Variants in PIP5K1B observed in about 807,000 individuals in gnomAD.
The protein encoded by PIP5K1B is phosphatidylinositol 4-phosphate 5-kinase type-1 beta.
PIP5K1B carries 42 observed loss-of-function variants against 67.0 expected under a neutral mutation model. The observed-to-expected ratio is 0.63, with a 90% CI of 0.49 to 0.81. The LOEUF is 0.81. Ranked by LOEUF, PIP5K1B falls within the 30% of genes least tolerant of loss-of-function variation. The probability of loss-of-function intolerance (pLI) is 0.00; values close to 1 mark genes in which losing one functional copy is unlikely to be tolerated. For missense variants in PIP5K1B, 459 were observed against 646.3 expected (o/e 0.71, Z 3.14); for synonymous variants, 214 against 231.4 (o/e 0.92, Z 0.68).
chr9:68,948,098 ATG>A (rs1827889267), intron 14 of PIP5K1B, among the ~76,000 whole-genome samples: 1 of 152,234 alleles, frequency 6.6e-6, no homozygotes, highest in Non-Finnish European at 1.5e-5. Flanking sequence ...TGAGGGGAAA[ATG>A]TGGTCACATT....
At chr9:68,722,989 A>G (rs945131660) in intron 1 of PIP5K1B, among the ~76,000 whole-genome samples, 1 of 152,088 alleles carries the variant, frequency 6.6e-6, no homozygotes, top group East Asian at 1.9e-4. Context: ...CTATCATTTT[A>G]TTCTCTACCT....
intron 8 of PIP5K1B, among the ~76,000 whole-genome samples, chr9:68,912,108 C>T (rs1825883166): frequency 6.6e-6 from 1 of 152,166 alleles, no homozygotes; most frequent in Non-Finnish European, 1.5e-5. Flanking sequence ...CTTACCTGGA[C>T]TGCTGAAATA....
At chr9:68,911,373 C>CAAAA (rs1182174351) in intron 8 of PIP5K1B, among the ~76,000 whole-genome samples, 1 of 40,818 alleles carries the variant, frequency 2.4e-5, no homozygotes, top group Admixed American at 3.4e-4. Flanking sequence ...AACTCCATCT[C>CAAAA]AAATAAAAAA....
intron 4 of PIP5K1B, among the ~76,000 whole-genome samples, chr9:68,854,018 A>G (rs1490552146): frequency 8.6e-6 from 1 of 116,394 alleles, no homozygotes; most frequent in East Asian, 2.1e-4. Flanking sequence ...CCAAAAGCAT[A>G]TATAAGTTTT....
chr9:68,969,978 T>C (rs1829266219), intron 14 of PIP5K1B, among the ~76,000 whole-genome samples: 1 of 150,090 alleles, frequency 6.7e-6, no homozygotes, highest in South Asian at 2.1e-4. Context: ...TTTTTAGTTG[T>C]GGAGGTTGGA....
intron 2 of PIP5K1B, chr9:68,781,519 T>C (rs1587438121): frequency 6.0e-6 from 1 of 167,830 alleles, no homozygotes; most frequent in Non-Finnish European, 1.5e-5. Context: ...TATATCTATC[T>C]AGTGGTTGTC....
chr9:68,718,805 C>G (rs1827747405), intron 1 of PIP5K1B, among the ~76,000 whole-genome samples: 1 of 152,144 alleles, frequency 6.6e-6, no homozygotes, highest in African/African-American at 2.4e-5. Context: ...ACTTTGCTGT[C>G]TTCTAAAATC....
At chr9:68,724,837 A>G (rs1034469427) in intron 1 of PIP5K1B, among the ~76,000 whole-genome samples, 2 of 152,114 alleles carry the variant, frequency 1.3e-5, no homozygotes, top group Non-Finnish European at 2.9e-5. Context: ...AAGGCTTTCA[A>G]TTTTCCTTCT....
At chr9:68,793,267 A>G (rs530106168) in intron 2 of PIP5K1B, among the ~76,000 whole-genome samples, 3 of 152,132 alleles carry the variant, frequency 2.0e-5, no homozygotes, top group Non-Finnish European at 4.4e-5. Context: ...CACTGGCTTT[A>G]TGAGTGAGAT....
chr9:68,964,982 C>T (rs1409485818), intron 14 of PIP5K1B, among the ~76,000 whole-genome samples: 1 of 152,204 alleles, frequency 6.6e-6, no homozygotes, highest in Non-Finnish European at 1.5e-5. Context: ...CTTATGTAGG[C>T]CTGAGCCTTA....
At chr9:68,820,656 A>G (rs1409196626) in intron 3 of PIP5K1B, among the ~76,000 whole-genome samples, 1 of 152,220 alleles carries the variant, frequency 6.6e-6, no homozygotes, top group African/African-American at 2.4e-5. Flanking sequence ...TCAAAAGCGT[A>G]AAAGAAAGTC....
chr9:68,830,739 A>G (rs1259832232), intron 4 of PIP5K1B, among the ~76,000 whole-genome samples: 1 of 152,304 alleles, frequency 6.6e-6, no homozygotes, highest in East Asian at 1.9e-4. Flanking sequence ...GCAGGCGAGG[A>G]GGTTGGGGTG....
chr9:68,807,821 G>A (rs189204825), intron 2 of PIP5K1B, among the ~76,000 whole-genome samples: 9 of 152,328 alleles, frequency 5.9e-5, no homozygotes, highest in Non-Finnish European at 1.0e-4. Context: ...AAAAGCATAA[G>A]CTGGTGAATG....
chr9:68,983,280 C>G (rs554404828), intron 14 of PIP5K1B, among the ~76,000 whole-genome samples: 2 of 152,056 alleles, frequency 1.3e-5, no homozygotes, highest in Non-Finnish European at 2.9e-5. Flanking sequence ...AGAATGTGAT[C>G]TTTAGAGAGA....
intron 14 of PIP5K1B, among the ~76,000 whole-genome samples, chr9:68,953,399 CT>C (rs1425660894): frequency 6.6e-6 from 1 of 151,586 alleles, no homozygotes; most frequent in Non-Finnish European, 1.5e-5. Flanking sequence ...CCTTTTTAGT[CT>C]CGGTTTTCAT....
intron 4 of PIP5K1B, among the ~76,000 whole-genome samples, chr9:68,826,185 A>G (rs549643257): frequency 6.6e-6 from 1 of 152,262 alleles, no homozygotes; most frequent in Non-Finnish European, 1.5e-5. Context: ...CTGCCTGGCT[A>G]TATTTACAGA....
chr9:68,882,881 A>G (rs551995489), intron 6 of PIP5K1B, among the ~76,000 whole-genome samples: 2 of 152,268 alleles, frequency 1.3e-5, no homozygotes, highest in South Asian at 4.1e-4. Flanking sequence ...AGAATGTTTT[A>G]GTGTCTCTTT....
At chr9:68,713,462 G>A (rs10121993) in intron 1 of PIP5K1B, among the ~76,000 whole-genome samples, 105,534 of 152,092 alleles carry the variant, frequency 0.69, 37,211 homozygotes, top group African/African-American at 0.82. Flanking sequence ...ACAGGCCTTC[G>A]GGTGATTCTG....
intron 12 of PIP5K1B, among the ~76,000 whole-genome samples, chr9:68,933,578 T>G (rs1827111217): frequency 6.6e-6 from 1 of 152,068 alleles, no homozygotes; most frequent in Non-Finnish European, 1.5e-5. Flanking sequence ...CACCTGAAAT[T>G]CATGCTTGCT....
Sources: allele counts gnomAD v4.1 joint callset (sites outside exome capture counted in the v4.1 genomes callset), GRCh38; gene constraint gnomAD v4.1.1; transcripts MANE v1.5; gene names NCBI Gene and HGNC (gene_info 2026-07-23, HGNC 2026-07-21).